Variants in VIT observed in about 807,000 individuals in gnomAD.
The protein encoded by VIT is vitrin.
In VIT, 99 loss-of-function variants were observed where a neutral mutation model predicts 78.0. The observed-to-expected ratio is 1.27, with a 90% CI of 1.08 to 1.50. The LOEUF (loss-of-function observed/expected upper bound fraction) is 1.50, where lower values mean the gene tolerates loss of function less well. Among genes scored for constraint, VIT ranks in the 40% most tolerant of loss-of-function variants. VIT has a pLI of 0.00. For missense variants in VIT, 1,126 were observed against 875.3 expected (o/e 1.29, Z -3.61); for synonymous variants, 374 against 334.3 (o/e 1.12, Z -1.29).
rs547077854 is a variant in VIT at position 36,782,558 on chromosome 2, G to A, written c.848-782G>A. On this transcript the variant is annotated intron_variant, in intron 10 of 15. Transcript: ENST00000379242. ...CTTCCGGGCCTCCTGAAAACGGGGA[G>A]ACTCACTTCCAGTGCTGCAAGCGTG... is the stretch of plus-strand genomic sequence containing the variant. Among the ~76,000 whole-genome samples, 8 of 152,318 alleles carry A rather than the reference G, an allele frequency of 5.3e-5. No homozygotes were observed. The East Asian group carries it at 1.5e-3, about 29-fold the overall frequency.
At chr2:36,809,332 A>C (rs1039652142) in intron 15 of VIT, among the ~76,000 whole-genome samples, 4 of 152,236 alleles carry the variant, frequency 2.6e-5, no homozygotes, top group African/African-American at 9.6e-5. Context: ...CTTTACCTCT[A>C]TTAAAAACAC....
rs941518055 is a variant in VIT at position 36,786,866 on chromosome 2, C to T, written c.911-263C>T. Among the ~76,000 whole-genome samples the T allele has an allele frequency of 5.3e-5, 8 of 152,310 alleles. No individual in the cohort carries two copies. In the East Asian group the frequency reaches 1.5e-3, roughly 29 times the overall value. On this transcript the variant is annotated intron_variant, in intron 11 of 15. Transcript: ENST00000379242. ...GCCTTCCCTAGCTTGGCTAGGACGT[C>T]GCTGCTTCTGAAACCCATAATTGTG...
chr2:36,797,356 A>T (rs1488139393), intron 12 of VIT, among the ~76,000 whole-genome samples: 3 of 152,226 alleles, frequency 2.0e-5, no homozygotes, highest in Non-Finnish European at 4.4e-5. Flanking sequence ...ACCAGGTAGG[A>T]AACTCTGGCA....
Position 36,791,219 on chromosome 2 carries a change from C to G in VIT, c.1058+3943C>G, listed in dbSNP as rs141870977. ...CCTGTGGTTTAGTGAGTGGCTCTGA[C>G]TTGGCCGCATCTCCTCAGTCTTCTC... is the stretch of plus-strand genomic sequence containing the variant. On this transcript the variant is annotated intron_variant, in intron 12 of 15. Coordinates refer to ENST00000379242, the MANE Select transcript of VIT (RefSeq NM_053276.4). 3.5e-3 allele frequency among the ~76,000 whole-genome samples: 529 copies of G among 152,268 alleles called. 7 individuals are homozygous for G. Among genetic ancestry groups the G allele is most frequent in the African/African-American group, 0.012 (503 of 41,542 alleles).
intron 12 of VIT, among the ~76,000 whole-genome samples, chr2:36,798,308 A>C (rs1666055151): frequency 6.6e-6 from 1 of 152,204 alleles, no homozygotes; most frequent in Non-Finnish European, 1.5e-5. Context: ...AGCCAGAAGC[A>C]TGGGGGCCAG....
intron 1 of VIT, among the ~76,000 whole-genome samples, chr2:36,697,655 A>G (rs1664763010): frequency 6.6e-6 from 1 of 152,258 alleles, no homozygotes; most frequent in Admixed American, 6.5e-5. Context: ...TTTGTGTCCA[A>G]CTAGTATAAA....
intron 4 of VIT, among the ~76,000 whole-genome samples, chr2:36,749,452 T>C (rs1270845668): frequency 6.6e-6 from 1 of 152,230 alleles, no homozygotes; most frequent in African/African-American, 2.4e-5. Flanking sequence ...GGTCAAAACA[T>C]AGATAAATGT....
rs192705258 is a variant in VIT at position 36,780,019 on chromosome 2, A to G, written c.803-1708A>G. ...GCTTCTGATGTCTTTTCTTGATACC[A>G]CCCTGTTCCTCCTTGACGCCAGAAT... On this transcript the variant is annotated intron_variant, in intron 9 of 15. Coordinates refer to ENST00000379242, the MANE Select transcript of VIT (RefSeq NM_053276.4). 4.1e-3 allele frequency among the ~76,000 whole-genome samples: 624 copies of G among 152,162 alleles called. 2 individuals carry two copies. Among genetic ancestry groups the G allele is most frequent in the African/African-American group, 0.015 (609 of 41,494 alleles).
chr2:36,769,023 T>C (rs1669601446), intron 7 of VIT, among the ~76,000 whole-genome samples: 1 of 152,220 alleles, frequency 6.6e-6, no homozygotes, highest in Non-Finnish European at 1.5e-5. Context: ...TCCACCATTC[T>C]GTTCCTGTTT....
Position 36,761,420 on chromosome 2 carries a change from T to C in VIT, c.487+2374T>C, listed in dbSNP as rs1669110744. On this transcript the variant is annotated intron_variant, in intron 6 of 15. Transcript: ENST00000379242. Reference sequence around the variant, plus strand: ...CTGGAATGGCCTCACCCGTGGGAAGTTCAGTGGCATCTCTCCTGTTTTGGA... The same window carrying C: ...CTGGAATGGCCTCACCCGTGGGAAGCTCAGTGGCATCTCTCCTGTTTTGGA... Among the ~76,000 whole-genome samples, 3 of 151,874 alleles carry C rather than the reference T, an allele frequency of 2.0e-5. No individual in the cohort carries two copies. In the South Asian group the frequency reaches 6.2e-4, roughly 31 times the overall value.
At position 36,814,751 on chromosome 2, in the gene VIT, A is replaced by T. The variant is rs1166498562; in HGVS notation, c.*390A>T. 1 of 162,526 alleles carries T rather than the reference A, an allele frequency of 6.2e-6. No individual in the cohort carries two copies. Among genetic ancestry groups the T allele is most frequent in the Non-Finnish European group, 1.3e-5 (1 of 75,104 alleles). The allele number at this position is 162,526 out of a possible 1,614,324, so 10.1% of individuals were successfully genotyped here. A position where few individuals can be genotyped will look rare whatever the true frequency, so the allele number is the denominator to read the frequency against. ...AGCAAGTTTCATTTTTGTCATGACA[A>T]TGTAGGAATTGCTGAATTAAATGTT... On this transcript the variant is annotated 3_prime_UTR_variant, in exon 16 of 16. Coordinates refer to ENST00000379242, the MANE Select transcript of VIT (RefSeq NM_053276.4).
In VIT at chr2:36,805,440, C is replaced by G; in HGVS notation, c.1165C>G (p.Arg389Gly). Residue 389 changes from arginine to glycine, a missense_variant and splice_region_variant, in exon 14 of 16, where the codon CGG becomes GGG. By Grantham distance (125) the Arg-to-Gly change is moderately radical. Transcript: ENST00000379242. ...CATGAATTTTCTTTTTCTTCCAGGTCGGGCCATCTCCTTTGTGACCAAGAA... is the reference window on the plus strand; with the variant it reads ...CATGAATTTTCTTTTTCTTCCAGGTGGGGCCATCTCCTTTGTGACCAAGAA... Reference protein sequence around the residue: ...TQRGGLSNVGRAISFVTKNFF... With the variant: ...TQRGGLSNVGGAISFVTKNFF... The G allele has an allele frequency of 6.2e-7, 1 of 1,601,638 alleles. No individual in the cohort carries two copies.
intron 2 of VIT, among the ~76,000 whole-genome samples, chr2:36,729,188 T>C (rs923211166): frequency 2.6e-5 from 4 of 152,170 alleles, no homozygotes; most frequent in African/African-American, 9.7e-5. Context: ...CCTAGGTTTG[T>C]AGTAGACCAT....
chr2:36,712,596 G>C (rs1665872817), intron 1 of VIT, among the ~76,000 whole-genome samples: 1 of 152,184 alleles, frequency 6.6e-6, no homozygotes, highest in Non-Finnish European at 1.5e-5. Context: ...CCCAGACTTT[G>C]GGAGGCTGAG....
intron 12 of VIT, among the ~76,000 whole-genome samples, chr2:36,792,270 C>T (rs1665555538): frequency 6.6e-6 from 1 of 152,214 alleles, no homozygotes; most frequent in South Asian, 2.1e-4. Context: ...TGCCACTTCT[C>T]TCCTCTCTGA....
intron 4 of VIT, among the ~76,000 whole-genome samples, chr2:36,751,036 G>A (rs1482543552): frequency 6.6e-6 from 1 of 152,098 alleles, no homozygotes; most frequent in African/African-American, 2.4e-5. Context: ...AAGGCGGGAA[G>A]ATCACCCGAG....
chr2:36,697,887 C>A (rs1021252996), intron 1 of VIT, among the ~76,000 whole-genome samples: 1 of 152,148 alleles, frequency 6.6e-6, no homozygotes, highest in Non-Finnish European at 1.5e-5. Flanking sequence ...TTTGCCGTTA[C>A]GTTGTGTTGC....
intron 12 of VIT, chr2:36,787,925 G>C: frequency 2.4e-6 from 1 of 411,580 alleles, no homozygotes; most frequent in Non-Finnish European, 4.8e-6. Context: ...GGATAGAAAT[G>C]GAGGGCTCGT....
intron 12 of VIT, among the ~76,000 whole-genome samples, chr2:36,789,868 G>C (rs766932189): frequency 1.4e-4 from 21 of 152,164 alleles, no homozygotes; most frequent in Non-Finnish European, 2.4e-4. Context: ...TGGAAGGAGA[G>C]ACTCAAGTTG....
Sources: gnomAD v4.1 joint callset for allele counts (sites outside exome capture counted in the v4.1 genomes callset) on GRCh38, gnomAD v4.1.1 for gene constraint, MANE v1.5 for transcripts, NCBI Gene and HGNC (gene_info 2026-07-23, HGNC 2026-07-21) for gene names.